COL4A2: variants seen among roughly 807,000 people sequenced by gnomAD.
COL4A2 encodes the protein collagen type IV alpha 2 chain.
Under a neutral mutation model 200.2 loss-of-function variants are expected in COL4A2, and 99 were observed. The ratio of observed to expected loss-of-function variants is 0.49; its 90% confidence interval spans 0.42 to 0.58. The LOEUF is 0.58. COL4A2 is among the 20% of genes least tolerant of loss of function. COL4A2 has a pLI of 0.00. For missense variants in COL4A2, 1,950 were observed against 2,314.1 expected (o/e 0.84, Z 3.23); for synonymous variants, 897 against 900.6 (o/e 1.00, Z 0.07).
At chr13:110,332,723 A>G (rs1222019675) in intron 3 of COL4A2, among the ~76,000 whole-genome samples, 6 of 152,224 alleles carry the variant, frequency 3.9e-5, no homozygotes, top group Non-Finnish European at 8.8e-5. Context: ...ATGTGTTGCC[A>G]TCCTTAAAAA....
At position 110,308,010 on chromosome 13, in the gene COL4A2, C is replaced by T. The variant is rs147266132; in HGVS notation, c.45-59C>T. ...CGCATGGACCCTTCGGTGTAACTCT[C>T]GGGGACTGACAAGCCGGGCCCGCAC... On this transcript the variant is annotated intron_variant, in intron 2 of 47. Transcript: ENST00000360467. 39 of 1,611,044 alleles carry T rather than the reference C, an allele frequency of 2.4e-5. No individual in the cohort carries two copies. In the East Asian group the frequency reaches 7.6e-4, roughly 31 times the overall value.
intron 19 of COL4A2, 121 bp from the exon 20 acceptor site, chr13:110,450,184 G>A (rs546507548): frequency 2.2e-5 from 17 of 769,930 alleles, no homozygotes; most frequent in African/African-American, 3.5e-5. Flanking sequence ...TCTACCCATC[G>A]GAGTTATTGA....
intron 4 of COL4A2, among the ~76,000 whole-genome samples, chr13:110,424,149 A>G (rs1447901647): frequency 6.6e-6 from 1 of 152,128 alleles, no homozygotes; most frequent in East Asian, 1.9e-4. Context: ...CATGCCCACC[A>G]GCAGCGCACG....
intron 4 of COL4A2, among the ~76,000 whole-genome samples, chr13:110,423,891 G>A (rs1880356570): frequency 6.6e-6 from 1 of 152,168 alleles, no homozygotes; most frequent in Non-Finnish European, 1.5e-5. Context: ...CAGCCTAGGT[G>A]ACTGCTTCCT....
intron 4 of COL4A2, among the ~76,000 whole-genome samples, chr13:110,421,646 T>C (rs1880255945): frequency 1.3e-5 from 2 of 152,206 alleles, no homozygotes; most frequent in Non-Finnish European, 2.9e-5. Flanking sequence ...ATAGAGGTGG[T>C]GGTCACACAA....
chr13:110,354,703 G>A (rs553954972), intron 3 of COL4A2, among the ~76,000 whole-genome samples: 5 of 150,910 alleles, frequency 3.3e-5, no homozygotes, highest in Non-Finnish European at 4.4e-5. Context: ...CATAAAAAAC[G>A]TGAAACTCTC....
intron 3 of COL4A2, among the ~76,000 whole-genome samples, chr13:110,348,369 G>GC (rs1197730034): frequency 6.6e-6 from 1 of 152,196 alleles, no homozygotes; most frequent in Non-Finnish European, 1.5e-5. Context: ...TGGCTTTGCT[G>GC]CCCGGCATAT....
rs1470737915 is a variant in COL4A2, at chr13:110,495,383, G to A, written c.3676G>A (p.Gly1226Arg). ...HGDPGFPGPP[G>R]ERGDPGEANT... ...AGACCCAGGCTTCCCAGGCCCTCCT[G>A]GGGAAAGAGGTGACCCAGGAGAGGC... Residue 1226 changes from glycine (G) to arginine (R), a missense_variant, in exon 40 of 48, where the codon GGG (glycine) becomes AGG (arginine). Coordinates refer to ENST00000360467, the MANE Select transcript of COL4A2 (RefSeq NM_001846.4). 6.2e-7 allele frequency: 1 copy of A among 1,614,080 alleles called. No homozygotes were observed. The highest frequency in any genetic ancestry group is 8.5e-7 in the Non-Finnish European group (1 of 1,179,998).
intron 3 of COL4A2, among the ~76,000 whole-genome samples, chr13:110,319,782 C>T (rs1885231625): frequency 6.6e-6 from 1 of 152,224 alleles, no homozygotes; most frequent in African/African-American, 2.4e-5. Context: ...AATCCACCTT[C>T]CTTTCCTAGC....
Position 110,341,193 on chromosome 13 carries a change from C to G in COL4A2, c.100-16279C>G, listed in dbSNP as rs1876437560. Among the ~76,000 whole-genome samples, 3 of 152,354 alleles carry G rather than the reference C, an allele frequency of 2.0e-5. No individual in the cohort carries two copies. In the South Asian group the frequency reaches 6.2e-4, roughly 32 times the overall value. The stretch of plus-strand genomic sequence containing the variant: ...ATCAGAACCCCATTTTAAAACACAT[C>G]CAAGCGCGTGGCGTCATCGGGACGA... On this transcript the variant is annotated intron_variant, in intron 3 of 47. Coordinates refer to ENST00000360467, the MANE Select transcript of COL4A2 (RefSeq NM_001846.4).
chr13:110,364,503 T>G (rs1209239603), intron 4 of COL4A2, among the ~76,000 whole-genome samples: 1 of 152,234 alleles, frequency 6.6e-6, no homozygotes, highest in African/African-American at 2.4e-5. Flanking sequence ...CTTTGTCAGC[T>G]GCATAATTAA....
At chr13:110,412,841 G>A (rs369906647) in intron 4 of COL4A2, among the ~76,000 whole-genome samples, 1 of 152,206 alleles carries the variant, frequency 6.6e-6, no homozygotes, top group African/African-American at 2.4e-5. Context: ...GATGCTGAGC[G>A]CGGGCCTCAC....
intron 4 of COL4A2, among the ~76,000 whole-genome samples, chr13:110,392,744 C>T (rs908606768): frequency 1.3e-5 from 2 of 152,210 alleles, no homozygotes; most frequent in African/African-American, 4.8e-5. Context: ...CCATTTCCTG[C>T]TCTGGAAACC....
chr13:110,429,858 T>C, intron 7 of COL4A2, 27 bp from the exon 8 acceptor site: 1 of 1,610,794 alleles, frequency 6.2e-7, no homozygotes. Context: ...TGTTGTTTTT[T>C]CTTTTTACAA....
rs1166000511 is a variant in COL4A2 at position 110,466,008 on chromosome 13, GAC to G, written c.1988_1989del (p.Thr663ArgfsTer9). On this transcript the variant is annotated frameshift_variant, in exon 26 of 48. Coordinates refer to ENST00000360467, the MANE Select transcript of COL4A2 (RefSeq NM_001846.4). LOFTEE classifies it high-confidence loss of function. ...TCCTTATGTCTTCCCCCCAGATTGT[GAC>G]ACAGATGTGAAAAGGGCCGTTGGAG... The part of the protein sequence containing the change: ...PAGTPGQIDC[D>X]TDVKRAVGGD... The G allele has an allele frequency of 6.2e-7, 1 of 1,613,666 alleles. No individual in the cohort carries two copies. Among genetic ancestry groups the G allele is most frequent in the Non-Finnish European group, 8.5e-7 (1 of 1,179,750 alleles).
At chr13:110,346,277 G>A (rs1480787136) in intron 3 of COL4A2, among the ~76,000 whole-genome samples, 1 of 152,140 alleles carries the variant, frequency 6.6e-6, no homozygotes, top group Non-Finnish European at 1.5e-5. Flanking sequence ...ATTAACTTTT[G>A]AAATCAAGTG....
chr13:110,471,898 A>G (rs1882482611), intron 28 of COL4A2, among the ~76,000 whole-genome samples: 1 of 152,106 alleles, frequency 6.6e-6, no homozygotes, highest in South Asian at 2.1e-4. Context: ...TCTCTCCTGC[A>G]TGCACAGCGG....
intron 28 of COL4A2, among the ~76,000 whole-genome samples, chr13:110,471,020 G>T (rs941535975): frequency 2.0e-5 from 3 of 152,190 alleles, no homozygotes; most frequent in Non-Finnish European, 4.4e-5. Flanking sequence ...TGCCCCAGGG[G>T]TTGGTCTCTG....
In COL4A2 at chr13:110,473,138, C is replaced by T. The variant is rs1882546315; in HGVS notation, c.2413C>T (p.Pro805Ser). 1 of 1,556,650 alleles carries T rather than the reference C, an allele frequency of 6.4e-7. No individual in the cohort carries two copies. Among genetic ancestry groups the T allele is most frequent in the East Asian group, 2.4e-5 (1 of 41,562 alleles). Reference sequence around the variant, plus strand: ...AGGCCTTCCCGGAGACAGAGGCCCCCCTGGATTCAGAGGTGAGTGCCCCAT... The same window carrying T: ...AGGCCTTCCCGGAGACAGAGGCCCCTCTGGATTCAGAGGTGAGTGCCCCAT... ...LKGLPGDRGP[P>S]GFRGSQGMPG... Residue 805 changes from proline (P) to serine (S), a missense_variant, in exon 29 of 48, where the codon CCT becomes TCT. Transcript: ENST00000360467.
Sources: allele counts gnomAD v4.1 joint callset (sites outside exome capture counted in the v4.1 genomes callset), GRCh38; gene constraint gnomAD v4.1.1; transcripts MANE v1.5; gene names NCBI Gene and HGNC (gene_info 2026-07-23, HGNC 2026-07-21).